Variants in ALPK3 observed in about 807,000 individuals in gnomAD.
ALPK3 encodes the protein alpha kinase 3.
A neutral mutation model predicts 140.0 loss-of-function variants in ALPK3; 102 were observed. That is an observed-to-expected ratio of 0.73 (90% CI 0.62 to 0.86). The LOEUF is 0.86. Ranked by LOEUF, ALPK3 falls within the 40% of genes least tolerant of loss-of-function variation. The pLI is 0.00. For synonymous variants in ALPK3, 938 were observed against 898.5 expected, an observed-to-expected ratio of 1.04 and a Z score of -0.79; for missense variants, 2,254 against 2,208.2, an observed-to-expected ratio of 1.02 and a Z score of -0.42.
chr15:84,819,929 C>T (rs1963403984), intron 1 of ALPK3, among the ~76,000 whole-genome samples: 1 of 152,168 alleles, frequency 6.6e-6, no homozygotes, highest in African/African-American at 2.4e-5. Context: ...CTCTCTGTCC[C>T]ACAGCTCTGA....
At chr15:84,818,720 C>T (rs1596144080) in intron 1 of ALPK3, among the ~76,000 whole-genome samples, 1 of 152,174 alleles carries the variant, frequency 6.6e-6, no homozygotes, top group South Asian at 2.1e-4. Flanking sequence ...TAACCGGAAC[C>T]GGTTTCTGCA....
intron 6 of ALPK3, 105 bp from the exon 7 acceptor site, chr15:84,859,138 T>G: frequency 6.7e-7 from 1 of 1,492,148 alleles, no homozygotes; most frequent in South Asian, 1.3e-5. Flanking sequence ...TGTGGAGACT[T>G]GAATCCTGTT....
rs1279412588 is a variant in ALPK3 at position 84,856,878 on chromosome 15, G to A, written c.2140G>A (p.Gly714Arg). Residue 714 changes from glycine (G) to arginine (R), a missense_variant, in exon 6 of 14, where the codon GGG (glycine) becomes AGG (arginine). Physicochemically the swap from Gly to Arg is moderately radical, Grantham distance 125. Coordinates refer to ENST00000258888, the MANE Select transcript of ALPK3 (RefSeq NM_020778.5). ...MQGEKGTQSEGSAPTAMEGQS... is the reference protein window; with the variant it reads ...MQGEKGTQSERSAPTAMEGQS... ...GGGAGAGAAGGGGACGCAGTCAGAG[G>A]GGAGCGCGCCCACAGCCATGGAAGG... 1.2e-6 allele frequency: 2 copies of A among 1,614,040 alleles called. No individual in the cohort carries two copies. The highest frequency in any genetic ancestry group is 2.2e-5 in the East Asian group (1 of 44,872).
At position 84,823,331 on chromosome 15, in the gene ALPK3, T is replaced by C. The variant is rs1963448778; in HGVS notation, c.145T>C (p.Leu49=). The C allele has an allele frequency of 6.2e-7, 1 of 1,614,248 alleles. No homozygotes were observed. Among genetic ancestry groups the C allele is most frequent in the Non-Finnish European group, 8.5e-7 (1 of 1,180,040 alleles). Residue 49 remains leucine, a splice_region_variant and synonymous_variant, in exon 2 of 14, where the codon TTA becomes CTA. Coordinates refer to ENST00000258888, the MANE Select transcript of ALPK3 (RefSeq NM_020778.5). ...ATTCCATTTGCTGTTTTTGCTTAGC[T>C]TATCAAGCAACCGGTTGTCTCACCC... ...YLLSVRPETS[L]SSNRLSHPSS...
At chr15:84,862,472 A>G (rs1963958060) in intron 9 of ALPK3, among the ~76,000 whole-genome samples, 163 bp from the exon 10 acceptor site, 1 of 152,078 alleles carries the variant, frequency 6.6e-6, no homozygotes, top group Non-Finnish European at 1.5e-5. Flanking sequence ...AGGAGCTCAT[A>G]GTCTGGTGGG....
chr15:84,832,231 C>T (rs1224561760), intron 3 of ALPK3, among the ~76,000 whole-genome samples: 2 of 152,134 alleles, frequency 1.3e-5, no homozygotes, highest in Non-Finnish European at 2.9e-5. Context: ...TTTCTGGTGT[C>T]GAAAGGATAG....
In ALPK3 at chr15:84,839,186, G is replaced by A; in HGVS notation, c.422+89G>A. 3 of 1,122,348 alleles carry A rather than the reference G, an allele frequency of 2.7e-6. No homozygotes were observed. The East Asian group carries it at 7.8e-5, about 29-fold the overall frequency. 69.5% of individuals were successfully genotyped at this position (1,122,348 alleles called of 1,614,324 possible). On this transcript the variant is annotated intron_variant, in intron 4 of 13. Coordinates refer to ENST00000258888, the MANE Select transcript of ALPK3 (RefSeq NM_020778.5). ...CCCTCAGAAATGGAGCAGTCTGGAT[G>A]GAGATGCCCAGGCACTCTCTGGGGA... is the stretch of plus-strand genomic sequence containing the variant.
chr15:84,858,497 GGATGAAGGCAA>G lies in ALPK3; in HGVS notation c.3761_3771del (p.Asp1254AlafsTer30). On this transcript the variant is annotated frameshift_variant, in exon 6 of 14. Coordinates refer to ENST00000258888, the MANE Select transcript of ALPK3 (RefSeq NM_020778.5). LOFTEE classifies it high-confidence loss of function. ...GCGGTCTGGACACAGAGGTGGCCCT[GGATGAAGGCAA>G]GCAGGAGACACTGGCCAAGCCCAGG... 1 of 1,583,276 alleles carries G rather than the reference GGATGAAGGCAA, an allele frequency of 6.3e-7. No individual in the cohort carries two copies. Among genetic ancestry groups the G allele is most frequent in the Non-Finnish European group, 8.5e-7 (1 of 1,170,946 alleles).
chr15:84,845,322 G>C lies in ALPK3; in HGVS notation c.1653+4390G>C, dbSNP rs1006648680. 3.9e-5 allele frequency among the ~76,000 whole-genome samples: 6 copies of C among 152,282 alleles called. No individual in the cohort carries two copies. The East Asian group carries it at 1.2e-3, about 29-fold the overall frequency. ...ACAGGTGCCTAAAACTTTGAGAGAA[G>C]AGAATCTTCCCCTCTATTCAGAGGA... On this transcript the variant is annotated intron_variant, in intron 5 of 13. Coordinates refer to ENST00000258888, the MANE Select transcript of ALPK3 (RefSeq NM_020778.5).
intron 5 of ALPK3, among the ~76,000 whole-genome samples, chr15:84,845,423 G>A (rs1431570892): frequency 6.6e-6 from 1 of 152,012 alleles, no homozygotes; most frequent in Non-Finnish European, 1.5e-5. Flanking sequence ...CCAGATCACA[G>A]GCTCATGTGT....
chr15:84,864,537 C>T lies in ALPK3; in HGVS notation c.4595C>T (p.Ser1532Phe), dbSNP rs747505947. 1.2e-6 allele frequency: 2 copies of T among 1,614,232 alleles called. No homozygotes were observed. Among genetic ancestry groups the T allele is most frequent in the East Asian group, 2.2e-5 (1 of 44,892 alleles). Residue 1532 changes from serine to phenylalanine, a missense_variant, in exon 12 of 14, where the codon TCT becomes TTT. By Grantham distance (155) the Ser-to-Phe change is radical (BLOSUM62 -2). Transcript: ENST00000258888. ...DLGKPLESYC[S>F]REWGCAEAPT... Reference sequence around the variant, plus strand: ...GGCAAGCCCCTGGAGTCTTACTGTTCTCGGGAATGGGGCTGTGCTGAGGCT... The same window carrying T: ...GGCAAGCCCCTGGAGTCTTACTGTTTTCGGGAATGGGGCTGTGCTGAGGCT...
Position 84,845,314 on chromosome 15 carries a change from T to C in ALPK3, c.1653+4382T>C, listed in dbSNP as rs148657920. 9.1e-3 allele frequency among the ~76,000 whole-genome samples: 1,388 copies of C among 152,250 alleles called. 24 individuals are homozygous for C. The highest frequency in any genetic ancestry group is 0.028 in the African/African-American group (1,180 of 41,538). On this transcript the variant is annotated intron_variant, in intron 5 of 13. Transcript: ENST00000258888. ...CAGAGGCCACAGGTGCCTAAAACTT[T>C]GAGAGAAGAGAATCTTCCCCTCTAT...
intron 5 of ALPK3, among the ~76,000 whole-genome samples, chr15:84,850,246 A>G (rs2082091083): frequency 6.6e-6 from 1 of 152,214 alleles, no homozygotes; most frequent in South Asian, 2.1e-4. Flanking sequence ...GCTCTTCCAA[A>G]CCAGCATTCC....
chr15:84,860,131 C>A (rs1963926063), intron 9 of ALPK3, 59 bp downstream of exon 9: 32 of 1,592,034 alleles, frequency 2.0e-5, no homozygotes, highest in Non-Finnish European at 2.6e-5. Flanking sequence ...GCAGGGAGGA[C>A]CCTCTTTAAG....
intron 8 of ALPK3, 36 bp from the exon 9 acceptor site, chr15:84,860,001 C>T (rs1335329416): frequency 3.7e-6 from 6 of 1,614,060 alleles, no homozygotes; most frequent in Non-Finnish European, 5.1e-6. Context: ...GGCACAGCAG[C>T]CTGAAGGCAC....
chr15:84,868,724 C>T lies in ALPK3; in HGVS notation c.*268C>T. On this transcript the variant is annotated 3_prime_UTR_variant, in exon 14 of 14. Transcript: ENST00000258888. ...TCCCCACCTCCAAGTGCCTGGCAAC[C>T]TAGGCCCTCCTTGAAGTTTACACTT... The T allele has an allele frequency of 2.0e-6, 1 of 511,302 alleles. No individual in the cohort carries two copies. The highest frequency in any genetic ancestry group is 3.5e-6 in the Non-Finnish European group (1 of 284,434). 31.7% of individuals were successfully genotyped at this position (511,302 alleles called of 1,614,324 possible).
intron 3 of ALPK3, 63 bp from the exon 4 acceptor site, chr15:84,838,917 C>G (rs764200369): frequency 6.9e-7 from 1 of 1,459,078 alleles, no homozygotes; most frequent in Non-Finnish European, 9.6e-7. Context: ...CCACCGTGCC[C>G]GGCCTCTTCC....
chr15:84,851,529 C>G (rs1416100822), intron 5 of ALPK3, among the ~76,000 whole-genome samples: 1 of 152,136 alleles, frequency 6.6e-6, no homozygotes, highest in Non-Finnish European at 1.5e-5. Context: ...TCCCCACTTC[C>G]CTATCCCCAC....
chr15:84,824,111 T>G (rs1165620069), intron 2 of ALPK3, among the ~76,000 whole-genome samples: 1 of 152,258 alleles, frequency 6.6e-6, no homozygotes, highest in Non-Finnish European at 1.5e-5. Flanking sequence ...AATTTTTTTC[T>G]GCAGTCATTT....
Sources: gnomAD v4.1 joint callset for allele counts (sites outside exome capture counted in the v4.1 genomes callset) on GRCh38, gnomAD v4.1.1 for gene constraint, MANE v1.5 for transcripts, NCBI Gene and HGNC (gene_info 2026-07-23, HGNC 2026-07-21) for gene names.